The following MALRD1 variants were observed in gnomAD, a reference collection of about 807,000 sequenced individuals.
MALRD1 encodes MAM and LDL receptor class A domain containing 1, also known as MAM and LDL-receptor class A domain-containing protein 1.
A neutral mutation model predicts 242.1 loss-of-function variants in MALRD1; 247 were observed. The ratio of observed to expected loss-of-function variants is 1.02; its 90% CI spans 0.92 to 1.13. MALRD1 has a LOEUF of 1.13. MALRD1 is among the 50% of genes most tolerant of loss of function. The probability of loss-of-function intolerance (pLI) is 0.00; values close to 1 mark genes in which losing one functional copy is unlikely to be tolerated. For missense variants in MALRD1, 2,989 were observed against 2,533.1 expected, an observed-to-expected ratio of 1.18 and a Z score of -3.86; for synonymous variants, 995 against 866.6, an observed-to-expected ratio of 1.15 and a Z score of -2.60.
chr10:19,134,967 G>C (rs1833278225), intron 9 of MALRD1, among the ~76,000 whole-genome samples: 1 of 151,940 alleles, frequency 6.6e-6, no homozygotes, highest in Non-Finnish European at 1.5e-5. Context: ...AAAATATACA[G>C]CTATACATTA....
rs1322929240 is a variant in MALRD1, at chr10:19,102,594, A to G, written c.598-1385A>G. ...AATCTGGGCTGACTTCTTGAAAAAT[A>G]AAATGTTTATGTTGTAAACAAGGTT... On this transcript the variant is annotated intron_variant, in intron 4 of 39. Coordinates refer to ENST00000454679, the MANE Select transcript of MALRD1 (RefSeq NM_001142308.3). Among the ~76,000 whole-genome samples, 16 of 152,310 alleles carry G rather than the reference A, an allele frequency of 1.1e-4. No homozygotes were observed. In the East Asian group the frequency reaches 2.9e-3, roughly 28 times the overall value.
intron 19 of MALRD1, among the ~76,000 whole-genome samples, chr10:19,265,772 T>C (rs1312625232): frequency 1.3e-5 from 2 of 152,140 alleles, no homozygotes; most frequent in Non-Finnish European, 2.9e-5. Flanking sequence ...TGTTTCTTAA[T>C]TGATTTTCTG....
At chr10:19,212,437 A>G (rs1837111757) in intron 18 of MALRD1, among the ~76,000 whole-genome samples, 2 of 152,182 alleles carry the variant, frequency 1.3e-5, no homozygotes, top group South Asian at 4.1e-4. Flanking sequence ...AGATTCATTC[A>G]TGTTATAGTA....
chr10:19,324,126 T>G (rs1386479258), intron 22 of MALRD1, 21 bp downstream of exon 22: 2 of 1,541,668 alleles, frequency 1.3e-6, no homozygotes, highest in Non-Finnish European at 1.8e-6. Flanking sequence ...GGCAATCACA[T>G]TTTCTGAATT....
At chr10:19,676,821 C>T (rs1049577628) in intron 36 of MALRD1, among the ~76,000 whole-genome samples, 2 of 152,222 alleles carry the variant, frequency 1.3e-5, no homozygotes, top group East Asian at 1.9e-4. Flanking sequence ...TGATGCTCTC[C>T]CTCTCCCCTG....
In MALRD1 at chr10:19,283,116, G is replaced by A. The variant is rs1221702902; in HGVS notation, c.3354G>A (p.Gly1118=). The A allele has an allele frequency of 1.9e-6, 3 of 1,549,456 alleles. No homozygotes were observed. Among genetic ancestry groups the A allele is most frequent in the African/African-American group, 1.4e-5 (1 of 72,976 alleles). Residue 1118 remains glycine, a synonymous_variant, in exon 21 of 40, where the codon GGG becomes GGA. Transcript: ENST00000454679. ...LLQDSNTFRW[G]LGNGISIHHG... ...AAGATTCAAACACATTCAGGTGGGG[G>A]CTTGGGAACGGGATCAGCATTCATC...
chr10:19,323,542 T>G (rs1205537885), intron 21 of MALRD1, among the ~76,000 whole-genome samples: 2 of 152,196 alleles, frequency 1.3e-5, no homozygotes, highest in Non-Finnish European at 2.9e-5. Flanking sequence ...ATATAACACA[T>G]TATACTTTTA....
At chr10:19,236,182 C>G (rs1411819678) in intron 18 of MALRD1, among the ~76,000 whole-genome samples, 6 of 152,164 alleles carry the variant, frequency 3.9e-5, no homozygotes, top group African/African-American at 1.4e-4. Flanking sequence ...CATGTGGGCA[C>G]TGCTTTTCAC....
At position 19,567,490 on chromosome 10, in the gene MALRD1, T is replaced by C; in HGVS notation, c.5479-12T>C. ...CCAATCATAAAAAGTTATTTTTTAA[T>C]GATTTTTAAAGGTGTATACCATTGA... On this transcript the variant is annotated splice_polypyrimidine_tract_variant and intron_variant, in intron 32 of 39. Coordinates refer to ENST00000454679, the MANE Select transcript of MALRD1 (RefSeq NM_001142308.3). 1 of 1,545,954 alleles carries C rather than the reference T, an allele frequency of 6.5e-7. No homozygotes were observed.
At chr10:19,350,598 A>G (rs1844332086) in intron 25 of MALRD1, among the ~76,000 whole-genome samples, 1 of 151,680 alleles carries the variant, frequency 6.6e-6, no homozygotes, top group African/African-American at 2.4e-5. Context: ...ATTTTTATTC[A>G]CTCTCACTAC....
intron 29 of MALRD1, among the ~76,000 whole-genome samples, chr10:19,479,050 AG>A (rs1013822633): frequency 2.0e-5 from 3 of 152,224 alleles, no homozygotes; most frequent in Non-Finnish European, 4.4e-5. Flanking sequence ...TGGTGAAGCC[AG>A]CCCAAGCAAT....
intron 38 of MALRD1, chr10:19,711,079 T>G (rs1328402415): frequency 6.6e-6 from 1 of 152,246 alleles, no homozygotes; most frequent in African/African-American, 2.4e-5. Flanking sequence ...GGTAGAAACT[T>G]GGGAGGGCGA....
intron 38 of MALRD1, among the ~76,000 whole-genome samples, chr10:19,730,058 G>A (rs1835224249): frequency 6.6e-6 from 1 of 152,102 alleles, no homozygotes; most frequent in South Asian, 2.1e-4. Context: ...TAATTCTTAA[G>A]TAAAGTATAA....
At chr10:19,496,233 G>A (rs2358408) in intron 30 of MALRD1, among the ~76,000 whole-genome samples, 37,692 of 152,004 alleles carry the variant, frequency 0.25, 7,227 homozygotes, top group African/African-American at 0.54. Context: ...ATAGACATCT[G>A]CAGAACACCC....
At position 19,684,778 on chromosome 10, in the gene MALRD1, C is replaced by A. The variant is rs1050538948; in HGVS notation, c.6138-7504C>A. 9.2e-5 allele frequency among the ~76,000 whole-genome samples: 14 copies of A among 152,084 alleles called. No individual in the cohort carries two copies. The East Asian group carries it at 2.7e-3, about 29-fold the overall frequency. The stretch of plus-strand genomic sequence containing the variant: ...AAAACAAATAAATAAATAAATATAA[C>A]CTGCTAAAAAGAAAAACAAGCCTAT... On this transcript the variant is annotated intron_variant, in intron 36 of 39. Transcript: ENST00000454679.
At chr10:19,679,085 A>G (rs1842257189) in intron 36 of MALRD1, among the ~76,000 whole-genome samples, 1 of 151,966 alleles carries the variant, frequency 6.6e-6, no homozygotes, top group Admixed American at 6.6e-5. Context: ...TTTTTACACT[A>G]ATGTTCATCA....
intron 31 of MALRD1, among the ~76,000 whole-genome samples, chr10:19,502,149 G>C (rs1161040607): frequency 6.6e-6 from 1 of 151,964 alleles, no homozygotes; most frequent in Non-Finnish European, 1.5e-5. Context: ...AATATATTAA[G>C]GTTTGCCACT....
intron 36 of MALRD1, among the ~76,000 whole-genome samples, chr10:19,665,132 C>T (rs186083160): frequency 1.3e-5 from 2 of 152,170 alleles, no homozygotes; most frequent in East Asian, 3.9e-4. Context: ...TTTATTAACG[C>T]ATGTATACAT....
At position 19,283,099 on chromosome 10, in the gene MALRD1, A is replaced by G. The variant is rs1392153787; in HGVS notation, c.3337A>G (p.Asn1113Asp). 1.3e-6 allele frequency: 2 copies of G among 1,549,988 alleles called. No individual in the cohort carries two copies. Among genetic ancestry groups the G allele is most frequent in the African/African-American group, 2.7e-5 (2 of 73,132 alleles). ...PIPVHLLQDSNTFRWGLGNGI... is the reference protein window; with the variant it reads ...PIPVHLLQDSDTFRWGLGNGI... ...CCCAGTACATTTGCTTCAAGATTCA[A>G]ACACATTCAGGTGGGGGCTTGGGAA... The change falls in exon 21 of 40, where the codon AAC (asparagine) becomes GAC (aspartate). Residue 1113 changes from asparagine to aspartate, a missense_variant. Physicochemically the swap from Asn to Asp is conservative, Grantham distance 23. Coordinates refer to ENST00000454679, the MANE Select transcript of MALRD1 (RefSeq NM_001142308.3).
Sources: allele counts gnomAD v4.1 joint callset (sites outside exome capture counted in the v4.1 genomes callset), GRCh38; gene constraint gnomAD v4.1.1; transcripts MANE v1.5; gene names NCBI Gene and HGNC (gene_info 2026-07-23, HGNC 2026-07-21).